Variants in PDGFRB observed in about 807,000 individuals in gnomAD.
PDGFRB encodes the protein platelet-derived growth factor receptor beta.
PDGFRB carries 42 observed loss-of-function variants against 120.2 expected under a neutral mutation model. That is an observed-to-expected ratio of 0.35 (90% CI 0.27 to 0.45). The LOEUF is 0.45. PDGFRB is among the 20% of genes least tolerant of loss of function. PDGFRB has a pLI of 1.00. For missense variants in PDGFRB, 1,149 were observed against 1,476.3 expected (o/e 0.78, Z 3.63); for synonymous variants, 586 against 606.8 (o/e 0.97, Z 0.50).
In PDGFRB at chr5:150,124,238, T is replaced by A. The variant is rs767444775; in HGVS notation, c.2023+12A>T. 1.9e-6 allele frequency: 3 copies of A among 1,593,608 alleles called. No homozygotes were observed. Among genetic ancestry groups the A allele is most frequent in the Non-Finnish European group, 2.6e-6 (3 of 1,161,942 alleles). Reference sequence around the variant, plus strand: ...ACTTTCCCTGAGGCCTCTGGGGCAGTGGGCTCGGTACCTCCTTTGGTGCAG... The same window carrying A: ...ACTTTCCCTGAGGCCTCTGGGGCAGAGGGCTCGGTACCTCCTTTGGTGCAG... On this transcript the variant is annotated intron_variant, in intron 14 of 22. Transcript: ENST00000261799.
Position 150,115,314 on chromosome 5 carries a change from T to C in PDGFRB, c.*449A>G, listed in dbSNP as rs574200760. On this transcript the variant is annotated 3_prime_UTR_variant, in exon 23 of 23. Transcript: ENST00000261799. ...GTCTCTTCCCTAGCTCCTGGGTGGA[T>C]AAAAGTGCGAGGAGAGAGCTATGAT... 84 of 233,128 alleles carry C rather than the reference T, an allele frequency of 3.6e-4. No homozygotes were observed. Among genetic ancestry groups the C allele is most frequent in the African/African-American group, 1.7e-3 (77 of 45,330 alleles). The allele number at this position is 233,128 out of a possible 1,614,324, so 14.4% of individuals were successfully genotyped here.
chr5:150,127,853 A>AAAAAAAAAAAAAAAAAAC (rs1562000001), intron 10 of PDGFRB, among the ~76,000 whole-genome samples: 1 of 151,030 alleles, frequency 6.6e-6, no homozygotes, highest in African/African-American at 2.4e-5. Context: ...AAAAAAAAAA[A>AAAAAAAAAAAAAAAAAAC]AAAAAACTTT....
At chr5:150,146,389 C>T (rs1483983902) in intron 1 of PDGFRB, among the ~76,000 whole-genome samples, 1 of 152,192 alleles carries the variant, frequency 6.6e-6, no homozygotes, top group Non-Finnish European at 1.5e-5. Context: ...TTCATCCTCA[C>T]GACCACCCTG....
At chr5:150,117,394 C>A (rs945924437) in intron 22 of PDGFRB, among the ~76,000 whole-genome samples, 7 of 152,292 alleles carry the variant, frequency 4.6e-5, no homozygotes, top group African/African-American at 1.7e-4. Context: ...AGTCCCAGCC[C>A]ATACTTTTGT....
intron 1 of PDGFRB, among the ~76,000 whole-genome samples, chr5:150,144,236 C>T (rs1186413607): frequency 6.6e-6 from 1 of 152,162 alleles, no homozygotes; most frequent in East Asian, 1.9e-4. Context: ...CCAGAGGGAC[C>T]TTTCTGAAAT....
intron 1 of PDGFRB, among the ~76,000 whole-genome samples, chr5:150,143,462 G>A (rs892060783): frequency 1.3e-5 from 2 of 152,190 alleles, no homozygotes; most frequent in African/African-American, 2.4e-5. Flanking sequence ...GGGTGGGGGT[G>A]CTGGGGAGGG....
At chr5:150,133,001 A>C in intron 6 of PDGFRB, 59 bp from the exon 7 acceptor site, 7 of 1,232,218 alleles carry the variant, frequency 5.7e-6, no homozygotes, top group African/African-American at 1.5e-5. Context: ...CTGAATCCCA[A>C]AGGAGGCCAG....
intron 6 of PDGFRB, among the ~76,000 whole-genome samples, chr5:150,133,217 T>C (rs1312227313): frequency 2.0e-5 from 3 of 152,064 alleles, no homozygotes. Flanking sequence ...CTGGGACTAG[T>C]GATAAGGTTG....
At position 150,155,709 on chromosome 5, in the gene PDGFRB, C is replaced by A; in HGVS notation, c.-319G>T. On this transcript the variant is annotated 5_prime_UTR_variant, in exon 1 of 23. Coordinates refer to ENST00000261799, the MANE Select transcript of PDGFRB (RefSeq NM_002609.4). ...GTCTGGCTGTCTGCGTTGGGCAGGG[C>A]GAGCACAGGCTGCTGCTGGGCAGCA... 2.5e-6 allele frequency: 1 copy of A among 398,640 alleles called. No individual in the cohort carries two copies. The highest frequency in any genetic ancestry group is 4.4e-6 in the Non-Finnish European group (1 of 226,104). 24.7% of individuals were successfully genotyped at this position (398,640 alleles called of 1,614,324 possible).
At chr5:150,122,922 G>A in intron 15 of PDGFRB, 120 bp downstream of exon 15, 5 of 857,722 alleles carry the variant, frequency 5.8e-6, no homozygotes, top group Non-Finnish European at 9.3e-6. Context: ...CCTAGCTCCA[G>A]GAGTGATTCT....
intron 12 of PDGFRB, 122 bp downstream of exon 12, chr5:150,125,323 G>A: frequency 1.3e-6 from 1 of 766,144 alleles, no homozygotes. Context: ...GAGGGCCAGA[G>A]AAGGCAAGAC....
At chr5:150,117,508 C>A in intron 22 of PDGFRB, 110 bp downstream of exon 22, 1 of 656,924 alleles carries the variant, frequency 1.5e-6, no homozygotes, top group Non-Finnish European at 2.7e-6. Flanking sequence ...ACGTAACTTA[C>A]CTCTGAGGCA....
In PDGFRB at chr5:150,132,057, C is replaced by G. The variant is rs756251957; in HGVS notation, c.1165G>C (p.Ala389Pro). 3.1e-6 allele frequency: 5 copies of G among 1,610,728 alleles called. No homozygotes were observed. Among genetic ancestry groups the G allele is most frequent in the Non-Finnish European group, 4.2e-6 (5 of 1,177,048 alleles). Residue 389 changes from alanine (A) to proline (P), a missense_variant, in exon 8 of 23, where the codon GCA (alanine) becomes CCA (proline). Physicochemically the swap from Ala to Pro is conservative, Grantham distance 27. Coordinates refer to ENST00000261799, the MANE Select transcript of PDGFRB (RefSeq NM_002609.4). The surrounding 1 kb of genome is among the most constrained non-coding windows in gnomAD (Gnocchi z 5.0). ...CGCATGGTGTAGTGGCCAGCCTCTG[C>G]CACCTTCACGCGAACCAGTGTCAGC... ...SELTLVRVKV[A>P]EAGHYTMRAF...
chr5:150,124,150 A>T (rs915428640), intron 14 of PDGFRB, 100 bp downstream of exon 14: 1 of 742,170 alleles, frequency 1.3e-6, no homozygotes, highest in Non-Finnish European at 2.3e-6. Context: ...ACCCTCCAGC[A>T]GGAGTGTGCT....
Position 150,121,165 on chromosome 5 carries a change from C to G in PDGFRB, c.2463+39G>C. On this transcript the variant is annotated intron_variant, in intron 17 of 22. Transcript: ENST00000261799. This position sits in a 1 kb window ranked among gnomAD's most constrained non-coding sequence, Gnocchi z 4.1. ...GCTGGCTGGCTGGGTGACCCACCTC[C>G]CCACAGCCCCCACTCTGCCCCACCA... 1 of 1,312,364 alleles carries G rather than the reference C, an allele frequency of 7.6e-7. No individual in the cohort carries two copies. Among genetic ancestry groups the G allele is most frequent in the Non-Finnish European group, 1.1e-6 (1 of 904,520 alleles). 81.3% of individuals were successfully genotyped at this position (1,312,364 alleles called of 1,614,324 possible).
chr5:150,137,354 AC>A, intron 1 of PDGFRB: 1 of 320,788 alleles, frequency 3.1e-6, no homozygotes, highest in South Asian at 5.3e-5. Flanking sequence ...CCCTGTCTGT[AC>A]AGTGAGGGAG....
intron 9 of PDGFRB, 113 bp downstream of exon 9, chr5:150,130,426 C>T: frequency 1.9e-6 from 2 of 1,036,814 alleles, no homozygotes; most frequent in Admixed American, 2.2e-5. Context: ...TCCTAGGATG[C>T]AACTCTATGC....
intron 1 of PDGFRB, among the ~76,000 whole-genome samples, chr5:150,154,877 A>G (rs79935216): frequency 1.4e-3 from 206 of 152,350 alleles, no homozygotes; most frequent in African/African-American, 4.3e-3. Flanking sequence ...GTTTAGAAGG[A>G]TATCTTAAGA....
At chr5:150,123,377 T>C (rs1237253153) in intron 14 of PDGFRB, among the ~76,000 whole-genome samples, 176 bp from the exon 15 acceptor site, 1 of 152,214 alleles carries the variant, frequency 6.6e-6, no homozygotes, top group East Asian at 1.9e-4. Flanking sequence ...AGCAAGGTAC[T>C]TAGTCTCCCT....
Sources: allele counts gnomAD v4.1 joint callset (sites outside exome capture counted in the v4.1 genomes callset), GRCh38; gene constraint gnomAD v4.1.1; non-coding constraint Gnocchi (gnomAD v3.1); transcripts MANE v1.5; gene names NCBI Gene and HGNC (gene_info 2026-07-23, HGNC 2026-07-21).